CCDC148: variants seen among roughly 807,000 people sequenced by gnomAD.
CCDC148 encodes coiled-coil domain containing 148, also known as coiled-coil domain-containing protein 148.
A neutral mutation model predicts 85.7 loss-of-function variants in CCDC148; 89 were observed. The ratio of observed to expected loss-of-function variants is 1.04; its 90% CI spans 0.87 to 1.24. CCDC148 has a LOEUF of 1.24. Among genes scored for constraint, CCDC148 ranks in the 50% most tolerant of loss-of-function variants. The pLI is 0.00. For missense variants in CCDC148, 692 were observed against 671.7 expected (o/e 1.03, Z -0.33); for synonymous variants, 230 against 213.9 (o/e 1.08, Z -0.66).
intron 7 of CCDC148, among the ~76,000 whole-genome samples, chr2:158,318,616 AT>A (rs199721186): frequency 0.13 from 18,955 of 146,686 alleles, 1,902 homozygotes; most frequent in African/African-American, 0.29. Context: ...TAGAAAGCTC[AT>A]TTTTTTTTTT....
At chr2:158,260,522 T>C (rs1410773777) in intron 9 of CCDC148, among the ~76,000 whole-genome samples, 1 of 151,770 alleles carries the variant, frequency 6.6e-6, no homozygotes, top group Non-Finnish European at 1.5e-5. Flanking sequence ...AACAATAAGG[T>C]AACAGAAAGA....
chr2:158,370,406 A>G (rs1473009947), intron 1 of CCDC148, among the ~76,000 whole-genome samples: 1 of 152,122 alleles, frequency 6.6e-6, no homozygotes, highest in Non-Finnish European at 1.5e-5. Context: ...TATTGATTAT[A>G]AAATAAGCCT....
At chr2:158,372,224 G>C (rs1684472293) in intron 1 of CCDC148, among the ~76,000 whole-genome samples, 1 of 151,928 alleles carries the variant, frequency 6.6e-6, no homozygotes, top group Admixed American at 6.6e-5. Context: ...ACATAAAAAT[G>C]GGAATTTTCC....
chr2:158,357,488 C>T (rs533190526), intron 2 of CCDC148, among the ~76,000 whole-genome samples: 2 of 151,976 alleles, frequency 1.3e-5, no homozygotes, highest in Non-Finnish European at 2.9e-5. Flanking sequence ...TTTATGTTTA[C>T]ATATATGTGT....
At chr2:158,307,647 C>T (rs1265002002) in intron 9 of CCDC148, among the ~76,000 whole-genome samples, 2 of 152,032 alleles carry the variant, frequency 1.3e-5, no homozygotes, top group African/African-American at 2.4e-5. Flanking sequence ...AACCTGAAAA[C>T]GGCTCAAATT....
At chr2:158,363,141 AC>A (rs1258945801) in intron 1 of CCDC148, among the ~76,000 whole-genome samples, 6 of 152,152 alleles carry the variant, frequency 3.9e-5, no homozygotes, top group African/African-American at 1.4e-4. Context: ...CCTGAACAGA[AC>A]AATAACAAGT....
At chr2:158,295,659 T>C (rs1244416552) in intron 9 of CCDC148, among the ~76,000 whole-genome samples, 3 of 138,594 alleles carry the variant, frequency 2.2e-5, no homozygotes, top group African/African-American at 5.4e-5. Flanking sequence ...AAAAGGCCTT[T>C]GACAAAATTC....
intron 9 of CCDC148, among the ~76,000 whole-genome samples, chr2:158,292,669 A>G (rs1690949482): frequency 6.6e-6 from 1 of 152,192 alleles, no homozygotes; most frequent in Non-Finnish European, 1.5e-5. Flanking sequence ...AGGCAGTTAG[A>G]TCTGCCTTCT....
intron 11 of CCDC148, among the ~76,000 whole-genome samples, chr2:158,194,016 TA>T (rs1162384195): frequency 0.016 from 2,201 of 141,956 alleles, 32 homozygotes; most frequent in Admixed American, 0.031. Flanking sequence ...TAAAGTATAA[TA>T]AAAAAAAAAA....
chr2:158,177,807 A>T (rs1379112857), intron 12 of CCDC148, among the ~76,000 whole-genome samples: 1 of 152,124 alleles, frequency 6.6e-6, no homozygotes, highest in Admixed American at 6.5e-5. Flanking sequence ...TCATTTAGCT[A>T]GACTTCCTTG....
chr2:158,208,051 T>C (rs1282459663), intron 11 of CCDC148, among the ~76,000 whole-genome samples: 1 of 152,062 alleles, frequency 6.6e-6, no homozygotes, highest in African/African-American at 2.4e-5. Context: ...TTATTGGTAG[T>C]GAACTTTAAA....
intron 11 of CCDC148, among the ~76,000 whole-genome samples, 164 bp from the exon 12 acceptor site, chr2:158,179,160 A>G (rs1276190712): frequency 1.0e-5 from 1 of 96,238 alleles, no homozygotes; most frequent in Non-Finnish European, 2.4e-5. Context: ...ACTCATATAA[A>G]ATGCAATTTT....
intron 9 of CCDC148, among the ~76,000 whole-genome samples, chr2:158,266,450 A>G (rs1689456835): frequency 6.6e-6 from 1 of 152,170 alleles, no homozygotes; most frequent in Non-Finnish European, 1.5e-5. Flanking sequence ...TGTTGAAAAT[A>G]CACCCACATT....
At chr2:158,239,062 G>A (rs559898948) in intron 10 of CCDC148, among the ~76,000 whole-genome samples, 3 of 152,130 alleles carry the variant, frequency 2.0e-5, no homozygotes, top group African/African-American at 7.2e-5. Flanking sequence ...TACCCCTTAG[G>A]GCTGTTAAGA....
At chr2:158,301,686 G>A (rs999886013) in intron 9 of CCDC148, among the ~76,000 whole-genome samples, 17 of 152,188 alleles carry the variant, frequency 1.1e-4, no homozygotes, top group Non-Finnish European at 1.9e-4. Flanking sequence ...TGTAAGATAT[G>A]GCAAGATAGG....
At chr2:158,374,310 T>G (rs1684567526) in intron 1 of CCDC148, among the ~76,000 whole-genome samples, 1 of 152,022 alleles carries the variant, frequency 6.6e-6, no homozygotes, top group Non-Finnish European at 1.5e-5. Flanking sequence ...TTGCATTTTG[T>G]TAGTAATCTA....
At chr2:158,210,131 T>C (rs12104564) in intron 11 of CCDC148, among the ~76,000 whole-genome samples, 29,490 of 151,596 alleles carry the variant, frequency 0.19, 3,622 homozygotes, top group Middle Eastern at 0.3. Flanking sequence ...ACCAAGCAAA[T>C]GGAAAGCAAA....
chr2:158,355,361 G>T (rs1457616155), intron 2 of CCDC148, among the ~76,000 whole-genome samples: 1 of 152,062 alleles, frequency 6.6e-6, no homozygotes, highest in Non-Finnish European at 1.5e-5. Flanking sequence ...TCCTTAAGCT[G>T]ATAAGCAACT....
intron 9 of CCDC148, among the ~76,000 whole-genome samples, chr2:158,268,293 T>G (rs1689558655): frequency 6.6e-6 from 1 of 152,218 alleles, no homozygotes; most frequent in Admixed American, 6.6e-5. Context: ...AGGGGTTGAT[T>G]TACGCCCTCT....
Sources: allele counts gnomAD v4.1 joint callset (sites outside exome capture counted in the v4.1 genomes callset), GRCh38; gene constraint gnomAD v4.1.1; transcripts MANE v1.5; gene names NCBI Gene and HGNC (gene_info 2026-07-23, HGNC 2026-07-21).